RGPD1: variants seen among roughly 807,000 people sequenced by gnomAD.
The protein encoded by RGPD1 is RANBP2 like and GRIP domain containing 1, also known as RANBP2-like and GRIP domain-containing protein 1.
RGPD1 carries 7 observed loss-of-function variants against 40.6 expected under a neutral mutation model. The ratio of observed to expected loss-of-function variants is 0.17; its 90% CI spans 0.10 to 0.32. RGPD1 has a LOEUF of 0.32. RGPD1 is among the 10% of genes least tolerant of loss of function. The probability of loss-of-function intolerance (pLI) is 1.00; values close to 1 mark genes in which losing one functional copy is unlikely to be tolerated. For missense variants in RGPD1, 50 were observed against 472.5 expected (o/e 0.11, Z 8.29); for synonymous variants, 24 against 167.0 (o/e 0.14, Z 6.60).
At chr2:86,920,178 T>G (rs1377102089) in intron 1 of RGPD1, among the ~76,000 whole-genome samples, 3 of 151,902 alleles carry the variant, frequency 2.0e-5, no homozygotes, top group Non-Finnish European at 4.4e-5. Context: ...GAAGCGATTC[T>G]TGTGCCTCAG....
intron 22 of RGPD1, among the ~76,000 whole-genome samples, chr2:87,000,287 T>C (rs1349960872): frequency 7.4e-6 from 1 of 135,664 alleles, no homozygotes; most frequent in Non-Finnish European, 1.5e-5. Flanking sequence ...CTCAAAATAC[T>C]CAGCATGTCT....
At chr2:86,941,690 G>A (rs1679765700), upstream of RGPD1, among the ~76,000 whole-genome samples, 1 of 150,884 alleles carries the variant, frequency 6.6e-6, no homozygotes, top group Non-Finnish European at 1.5e-5. Flanking sequence ...TCCACCCGCA[G>A]GACTGACTGC....
intron 1 of RGPD1, among the ~76,000 whole-genome samples, chr2:86,914,327 T>TC (rs1303161647): frequency 0.016 from 60 of 3,820 alleles, 5 homozygotes; most frequent in Non-Finnish European, 0.026. Context: ...GGCCTCGGCC[T>TC]GGCCGGGCGG....
At chr2:86,943,033 ATTTAC>A (rs919577318) in intron 1 of RGPD1, among the ~76,000 whole-genome samples, 3 of 150,462 alleles carry the variant, frequency 2.0e-5, no homozygotes, top group African/African-American at 7.3e-5. Flanking sequence ...TGTCCTGGAC[ATTTAC>A]TTTATATGCT....
At chr2:86,931,988 T>G (rs555968553) in intron 1 of RGPD1, among the ~76,000 whole-genome samples, 184 of 147,610 alleles carry the variant, frequency 1.2e-3, no homozygotes, top group African/African-American at 4.5e-3. Context: ...ATATTCATAT[T>G]ATATATATAT....
At chr2:86,913,683 C>G (rs1209449259), upstream of RGPD1, 8 of 1,310,020 alleles carry the variant, frequency 6.1e-6, no homozygotes, top group South Asian at 6.7e-5. Flanking sequence ...GCAGCTGGAG[C>G]GCCGACGTCG....
chr2:86,939,548 C>T (rs1679580495), upstream of RGPD1, among the ~76,000 whole-genome samples: 1 of 136,652 alleles, frequency 7.3e-6, no homozygotes, highest in Admixed American at 7.4e-5. Context: ...CACTGGAGTC[C>T]AGCCTGGACC....
intron 7 of RGPD1, among the ~76,000 whole-genome samples, chr2:86,964,118 C>T (rs1341763523): frequency 1.9e-5 from 2 of 104,374 alleles, no homozygotes; most frequent in African/African-American, 9.1e-5. Context: ...TCTCGGCTCA[C>T]TGCAAGCTCC....
upstream of RGPD1, among the ~76,000 whole-genome samples, chr2:86,941,138 C>T (rs1573602828): frequency 6.6e-6 from 1 of 152,138 alleles, no homozygotes; most frequent in Non-Finnish European, 1.5e-5. Context: ...TGATATTTGT[C>T]CACATAATTA....
At chr2:86,913,986 G>A (rs1677575375) in intron 1 of RGPD1, 3 of 926,628 alleles carry the variant, frequency 3.2e-6, no homozygotes, top group Non-Finnish European at 4.0e-6. Flanking sequence ...ACCTGGCCGG[G>A]CGGCGGCGGC....
In RGPD1 at chr2:86,914,332, G is replaced by GGGC. The variant is rs1247052388; in HGVS notation, c.72+442_72+444dup. 4.6e-3 allele frequency among the ~76,000 whole-genome samples: 51 copies of GGGC among 11,014 alleles called. 9 individuals carry two copies. The highest frequency in any genetic ancestry group is 7.7e-3 in the Non-Finnish European group (48 of 6,236). 7.2% of individuals were successfully genotyped at this position (11,014 alleles called of 152,430 possible). A position where few individuals can be genotyped will look rare whatever the true frequency, so the allele number is the denominator to read the frequency against. ...CGGCGGCGGCGGCCTCGGCCTGGCC[G>GGGC]GGCGGCGGCGGCGGCGGCGGCGGCG... On this transcript the variant is annotated intron_variant, in intron 1 of 22. Coordinates refer to the RGPD1 transcript ENST00000398193.
chr2:86,914,211 CGGCGGCGGCGGCCTCGGCCTGGCCG>C (rs1677620008), intron 1 of RGPD1, among the ~76,000 whole-genome samples: 3 of 69,152 alleles, frequency 4.3e-5, no homozygotes, highest in Non-Finnish European at 6.0e-5. Context: ...CCTGGCCGGG[CGGCGGCGGCGGCCTCGGCCTGGCCG>C]GGCGGCGGCG....
chr2:86,940,716 C>T (rs1679675207), upstream of RGPD1, among the ~76,000 whole-genome samples: 1 of 152,138 alleles, frequency 6.6e-6, no homozygotes, highest in Non-Finnish European at 1.5e-5. Flanking sequence ...CCCCCTCTGC[C>T]TTTGGAGTAG....
chr2:86,945,586 T>C (rs961981489), intron 1 of RGPD1, among the ~76,000 whole-genome samples: 5 of 152,222 alleles, frequency 3.3e-5, no homozygotes, highest in Admixed American at 1.3e-4. Flanking sequence ...TAGTCTTCTC[T>C]TGTTTTGCCA....
upstream of RGPD1, among the ~76,000 whole-genome samples, chr2:86,941,386 T>C (rs1330706032): frequency 1.3e-5 from 2 of 151,208 alleles, no homozygotes; most frequent in African/African-American, 4.9e-5. Context: ...GGCTATTCCT[T>C]TTCCTTTTTT....
intron 20 of RGPD1, among the ~76,000 whole-genome samples, chr2:86,993,215 C>A (rs574073241): frequency 1.1e-4 from 17 of 152,114 alleles, no homozygotes; most frequent in Non-Finnish European, 2.1e-4. Flanking sequence ...GAAACACAGA[C>A]CTCCCGCTTC....
intron 1 of RGPD1, among the ~76,000 whole-genome samples, chr2:86,924,523 T>A (rs892104747): frequency 2.0e-5 from 3 of 150,846 alleles, no homozygotes; most frequent in African/African-American, 7.3e-5. Context: ...CGGACTGCAG[T>A]GATGCTATCG....
At chr2:86,930,642 C>G (rs1162562687) in intron 1 of RGPD1, 2 of 1,611,448 alleles carry the variant, frequency 1.2e-6, no homozygotes, top group African/African-American at 2.7e-5. Context: ...AACACTCTCA[C>G]AGAGGTAGGG....
In RGPD1 at chr2:86,947,837, G is replaced by A. The variant is rs202047234; in HGVS notation, c.73-3459G>A. 2.5e-4 allele frequency among the ~76,000 whole-genome samples: 30 copies of A among 118,050 alleles called. 4 individuals are homozygous for A. The East Asian group carries it at 2.8e-3, about 11-fold the overall frequency. 77.4% of individuals were successfully genotyped at this position (118,050 alleles called of 152,430 possible). ...CCACAGATTTGGAGCTGATCAGATCGGTTTGTTGAGAACAGCAGCTTTTTT... is the reference window on the plus strand; with the variant it reads ...CCACAGATTTGGAGCTGATCAGATCAGTTTGTTGAGAACAGCAGCTTTTTT... On this transcript the variant is annotated intron_variant, in intron 1 of 22. Coordinates refer to ENST00000641458, the MANE Select transcript of RGPD1 (RefSeq NM_001382344.1).
Sources: gnomAD v4.1 joint callset for allele counts (sites outside exome capture counted in the v4.1 genomes callset) on GRCh38, gnomAD v4.1.1 for gene constraint, MANE v1.5 for transcripts, NCBI Gene and HGNC (gene_info 2026-07-23, HGNC 2026-07-21) for gene names.